The following FGF12 variants were observed in gnomAD, a reference collection of about 807,000 sequenced individuals.
FGF12 encodes fibroblast growth factor 12B.
FGF12 carries 14 observed loss-of-function variants against 23.6 expected under a neutral mutation model. The ratio of observed to expected loss-of-function variants is 0.59; its 90% CI spans 0.39 to 0.93. The LOEUF (loss-of-function observed/expected upper bound fraction) is 0.93. Ranked by LOEUF, FGF12 falls within the 40% of genes least tolerant of loss-of-function variation. The pLI, the probability that FGF12 is intolerant of heterozygous loss-of-function variation, is 0.00. For synonymous variants in FGF12, 62 were observed against 77.3 expected (o/e 0.80, Z 1.04); for missense variants, 175 against 217.8 (o/e 0.80, Z 1.24).
chr3:192,427,210 G>T (rs774162022), intron 2 of FGF12, among the ~76,000 whole-genome samples: 1 of 151,942 alleles, frequency 6.6e-6, no homozygotes, highest in South Asian at 2.1e-4. Flanking sequence ...GTGAAACCCC[G>T]TCTCTACTAA....
intron 2 of FGF12, among the ~76,000 whole-genome samples, chr3:192,620,732 C>A (rs967378257): frequency 6.6e-6 from 1 of 152,126 alleles, no homozygotes; most frequent in African/African-American, 2.4e-5. Flanking sequence ...AATGTCTGAA[C>A]TGTCATGTAC....
intron 2 of FGF12, among the ~76,000 whole-genome samples, chr3:192,675,660 T>A (rs1279533247): frequency 6.6e-6 from 1 of 152,230 alleles, no homozygotes; most frequent in Non-Finnish European, 1.5e-5. Context: ...TGAAGTGCCT[T>A]GTCCAAGATA....
intron 2 of FGF12, among the ~76,000 whole-genome samples, chr3:192,562,871 T>G (rs1452706795): frequency 6.6e-6 from 1 of 152,122 alleles, no homozygotes; most frequent in African/African-American, 2.4e-5. Context: ...ATCTCTCTTA[T>G]TCACACTGTC....
chr3:192,376,303 TCTTA>T (rs1480684362), intron 2 of FGF12, among the ~76,000 whole-genome samples: 14 of 151,670 alleles, frequency 9.2e-5, no homozygotes, highest in African/African-American at 3.1e-4. Context: ...AAACTTTCTT[TCTTA>T]CTATTGTCAT....
In FGF12 at chr3:192,505,098, C is replaced by T. The variant is rs375919706; in HGVS notation, c.14-144560G>A. 4.6e-5 allele frequency among the ~76,000 whole-genome samples: 7 copies of T among 151,928 alleles called. 1 individual carries two copies. Among genetic ancestry groups the T allele is most frequent in the South Asian group, 2.1e-4 (1 of 4,826 alleles). ...ACAGACCTGTAATGTCATTCCATAACGTAATTTAAAATCATGTTTGGGAGA... is the reference window on the plus strand; with the variant it reads ...ACAGACCTGTAATGTCATTCCATAATGTAATTTAAAATCATGTTTGGGAGA... On this transcript the variant is annotated intron_variant, in intron 2 of 5. Coordinates refer to ENST00000445105, the MANE Select transcript of FGF12 (RefSeq NM_004113.6).
At chr3:192,461,066 A>G (rs929036054) in intron 2 of FGF12, among the ~76,000 whole-genome samples, 3 of 152,218 alleles carry the variant, frequency 2.0e-5, no homozygotes, top group African/African-American at 7.2e-5. Flanking sequence ...TGTTTACTCA[A>G]TGTGATAACC....
At chr3:192,299,927 G>T (rs1459071841) in intron 4 of FGF12, among the ~76,000 whole-genome samples, 1 of 152,108 alleles carries the variant, frequency 6.6e-6, no homozygotes, top group Non-Finnish European at 1.5e-5. Context: ...TCATTAGAAG[G>T]ACTTCATTTC....
At chr3:192,148,437 G>C (rs1417589783) in intron 5 of FGF12, among the ~76,000 whole-genome samples, 1 of 152,196 alleles carries the variant, frequency 6.6e-6, no homozygotes, top group African/African-American at 2.4e-5. Context: ...AACTGTACTT[G>C]CCAGGGGCTG....
intron 2 of FGF12, among the ~76,000 whole-genome samples, chr3:192,674,537 A>G (rs955061529): frequency 6.6e-6 from 1 of 152,230 alleles, no homozygotes; most frequent in Non-Finnish European, 1.5e-5. Context: ...CTTCTACTGC[A>G]TAAGGGAGAT....
At chr3:192,644,942 C>T (rs1244459028) in intron 2 of FGF12, among the ~76,000 whole-genome samples, 1 of 152,032 alleles carries the variant, frequency 6.6e-6, no homozygotes, top group South Asian at 2.1e-4. Flanking sequence ...GACATTTGGG[C>T]AGAATCTTAA....
chr3:192,446,378 A>C (rs1722356010), intron 2 of FGF12, among the ~76,000 whole-genome samples: 1 of 152,254 alleles, frequency 6.6e-6, no homozygotes, highest in South Asian at 2.1e-4. Context: ...CAGGTTAAAC[A>C]CACAGTTCAT....
At chr3:192,646,557 T>C (rs567259481) in intron 2 of FGF12, among the ~76,000 whole-genome samples, 1 of 152,278 alleles carries the variant, frequency 6.6e-6, no homozygotes, top group Admixed American at 6.5e-5. Flanking sequence ...AATACTGATA[T>C]GTACTGCAAG....
At position 192,285,206 on chromosome 3, in the gene FGF12, C is replaced by T. The variant is rs535232247; in HGVS notation, c.228+50155G>A. Reference sequence around the variant, plus strand: ...CCCATGACCCTTAGTAGTTGATAAGCAATACCTGTGACAGTGGAATTATTA... The same window carrying T: ...CCCATGACCCTTAGTAGTTGATAAGTAATACCTGTGACAGTGGAATTATTA... On this transcript the variant is annotated intron_variant, in intron 4 of 5. Coordinates refer to ENST00000445105, the MANE Select transcript of FGF12 (RefSeq NM_004113.6). Among the ~76,000 whole-genome samples, 19 of 152,076 alleles carry T rather than the reference C, an allele frequency of 1.2e-4. No homozygotes were observed. The East Asian group carries it at 3.5e-3, about 28-fold the overall frequency.
intron 4 of FGF12, among the ~76,000 whole-genome samples, chr3:192,263,533 A>G (rs994715252): frequency 6.6e-6 from 1 of 151,376 alleles, no homozygotes; most frequent in Admixed American, 6.6e-5. Flanking sequence ...GTTTTAAAAA[A>G]ATAAAAAAAA....
chr3:192,191,620 G>C (rs1716795508), intron 4 of FGF12, among the ~76,000 whole-genome samples: 1 of 152,172 alleles, frequency 6.6e-6, no homozygotes, highest in Non-Finnish European at 1.5e-5. Context: ...AGGATCATGA[G>C]GTCAAGAGAT....
chr3:192,659,800 C>T (rs146211583), intron 2 of FGF12, among the ~76,000 whole-genome samples: 6 of 152,248 alleles, frequency 3.9e-5, no homozygotes, highest in African/African-American at 9.6e-5. Flanking sequence ...ACATCCTCTC[C>T]AGTACCTGTT....
chr3:192,218,988 G>A (rs1219525589), intron 4 of FGF12, among the ~76,000 whole-genome samples: 1 of 152,052 alleles, frequency 6.6e-6, no homozygotes, highest in Non-Finnish European at 1.5e-5. Flanking sequence ...TGTGTAGCTG[G>A]GTTGGCAAAC....
intron 3 of FGF12, 87 bp from the exon 4 acceptor site, chr3:192,335,551 C>T: frequency 1.2e-6 from 1 of 835,408 alleles, no homozygotes; most frequent in South Asian, 1.5e-5. Context: ...AGAATTAAAA[C>T]CTATTAATTG....
chr3:192,227,196 A>G (rs1718778923), intron 4 of FGF12, among the ~76,000 whole-genome samples: 1 of 152,182 alleles, frequency 6.6e-6, no homozygotes, highest in African/African-American at 2.4e-5. Flanking sequence ...AGGAATGATC[A>G]TATCTTATAA....
Sources: gnomAD v4.1 joint callset for allele counts (sites outside exome capture counted in the v4.1 genomes callset) on GRCh38, gnomAD v4.1.1 for gene constraint, MANE v1.5 for transcripts, NCBI Gene and HGNC (gene_info 2026-07-23, HGNC 2026-07-21) for gene names.